ATF6B: variants seen among roughly 807,000 people sequenced by gnomAD.
The protein encoded by ATF6B is activating transcription factor 6 beta, also known as cyclic AMP-dependent transcription factor ATF-6 beta.
In ATF6B, 50 loss-of-function variants were observed where a neutral mutation model predicts 83.5. The ratio of observed to expected loss-of-function variants is 0.60; its 90% CI spans 0.48 to 0.76. The LOEUF (loss-of-function observed/expected upper bound fraction) is 0.76, where lower values mean the gene tolerates loss of function less well. Among genes scored for constraint, ATF6B ranks in the 30% least tolerant of loss-of-function variants. The pLI is 0.00. For missense variants in ATF6B, 790 were observed against 893.8 expected, an observed-to-expected ratio of 0.88 and a Z score of 1.48; for synonymous variants, 344 against 362.8, an observed-to-expected ratio of 0.95 and a Z score of 0.59.
chr6:32,122,486 A>T (rs1006406097), intron 5 of ATF6B, among the ~76,000 whole-genome samples: 1 of 152,208 alleles, frequency 6.6e-6, no homozygotes, highest in Non-Finnish European at 1.5e-5. Flanking sequence ...TTAAAACTTC[A>T]ATTTATATTT....
At chr6:32,127,028 T>C (rs1782007706) in intron 4 of ATF6B, 75 bp downstream of exon 4, 10 of 1,291,612 alleles carry the variant, frequency 7.7e-6, no homozygotes, top group Non-Finnish European at 1.0e-5. Context: ...TTAAATCATT[T>C]CTTTGTCACC....
intron 8 of ATF6B, 200 bp from the exon 9 acceptor site, chr6:32,120,157 G>A: frequency 2.0e-6 from 1 of 502,316 alleles, no homozygotes; most frequent in Non-Finnish European, 3.2e-6. Flanking sequence ...GAGTGCAGTG[G>A]TGCGATCTCG....
Position 32,119,152 on chromosome 6 carries a change from G to C in ATF6B, c.967-11C>G. 1.9e-6 allele frequency: 3 copies of C among 1,601,266 alleles called. No homozygotes were observed. The highest frequency in any genetic ancestry group is 2.6e-6 in the Non-Finnish European group (3 of 1,176,200). ...CTTCAGCAGCTTTGCCTAGGCACCC[G>C]GAAGGTCAAAAAAGAATGACAGATG... On this transcript the variant is annotated splice_polypyrimidine_tract_variant and intron_variant, in intron 9 of 17. Coordinates refer to ENST00000375203, the MANE Select transcript of ATF6B (RefSeq NM_004381.5). This position sits in a 1 kb window ranked among gnomAD's most constrained non-coding sequence, Gnocchi z 4.9.
At position 32,117,378 on chromosome 6, in the gene ATF6B, A is replaced by G. The variant is rs1353318076; in HGVS notation, c.1559T>C (p.Val520Ala). 8.1e-6 allele frequency: 13 copies of G among 1,613,776 alleles called. No homozygotes were observed. The highest frequency in any genetic ancestry group is 1.0e-5 in the Non-Finnish European group (12 of 1,179,980). The change falls in exon 14 of 18, where the codon GTC (valine) becomes GCC (alanine). Residue 520 changes from valine (V) to alanine (A), a missense_variant. Around this residue, in one of 3 missense-constraint regions of ATF6B, gnomAD observed 530 missense variants for 632.6 expected, o/e 0.84. Transcript: ENST00000375203. The surrounding 1 kb of genome is among the most constrained non-coding windows in gnomAD (Gnocchi z 5.0). ...LRLADELSGW[V>A]QRHQRGRRKI... ...CCTCCGGCCTCTCTGGTGGCGCTGGACCCAGCCACTCAACTCGTCAGCAAG... is the reference window on the plus strand; with the variant it reads ...CCTCCGGCCTCTCTGGTGGCGCTGGGCCCAGCCACTCAACTCGTCAGCAAG...
chr6:32,117,317 CCCTA>C lies in ATF6B; in HGVS notation c.1614+2_1614+5del, dbSNP rs1562902845. The C allele has an allele frequency of 4.3e-6, 7 of 1,613,072 alleles. No homozygotes were observed. The highest frequency in any genetic ancestry group is 1.3e-5 in the African/African-American group (1 of 74,900). ...TGGCCTTCCTTGAACCAGCCACCCG[CCCTA>C]CCTGTCTCTCCTGGGCCCTCTGAGG... is the stretch of plus-strand genomic sequence containing the variant. On this transcript the variant is annotated splice_donor_variant and splice_donor_5th_base_variant and intron_variant, in intron 14 of 17. Coordinates refer to ENST00000375203, the MANE Select transcript of ATF6B (RefSeq NM_004381.5). LOFTEE classifies it high-confidence loss of function. This position sits in a 1 kb window ranked among gnomAD's most constrained non-coding sequence, Gnocchi z 5.0.
At position 32,127,763 on chromosome 6, in the gene ATF6B, CT is replaced by C. The variant is rs773094271; in HGVS notation, c.92-14del. 6.2e-7 allele frequency: 1 copy of C among 1,613,968 alleles called. No homozygotes were observed. The highest frequency in any genetic ancestry group is 1.7e-5 in the Admixed American group (1 of 60,012). ...TACAAGGTGCTGTCTGCAAGAAATG[CT>C]GAGCGTCGGGGGGTCGTTCGGTGGC... On this transcript the variant is annotated splice_polypyrimidine_tract_variant and intron_variant, in intron 1 of 17. Coordinates refer to ENST00000375203, the MANE Select transcript of ATF6B (RefSeq NM_004381.5).
chr6:32,115,982 A>G lies in ATF6B; in HGVS notation c.1883-14T>C. The G allele has an allele frequency of 6.2e-7, 1 of 1,602,596 alleles. No homozygotes were observed. The highest frequency in any genetic ancestry group is 8.5e-7 in the Non-Finnish European group (1 of 1,171,350). ...CTGACAGGGTCTCTGTGAGAAGGGG[A>G]GAGTTAAGGAAGAGGAGATGGGGAG... is the stretch of plus-strand genomic sequence containing the variant. On this transcript the variant is annotated splice_polypyrimidine_tract_variant and intron_variant, in intron 17 of 17. Transcript: ENST00000375203.
rs1363443008 is a variant in ATF6B at position 32,116,789 on chromosome 6, T to C, written c.1712A>G (p.Tyr571Cys). Residue 571 changes from tyrosine (Y) to cysteine (C), a missense_variant, in exon 16 of 18, where the codon TAT (tyrosine) becomes TGT (cysteine). By Grantham distance (194) the Tyr-to-Cys change is radical. This residue lies in a region of ATF6B where 530 missense variants were observed against 632.6 expected (regional missense o/e 0.84). Transcript: ENST00000375203. This position sits in a 1 kb window ranked among gnomAD's most constrained non-coding sequence, Gnocchi z 5.1. ...ERDSVGQLQL[Y>C]RHPDRSQPAF... ...TGGCTGCGAACGGTCTGGGTGGCGA[T>C]ATAGTTGCAGCTGGCCCACAGAATC... The C allele has an allele frequency of 1.2e-6, 2 of 1,613,976 alleles. No homozygotes were observed. Among genetic ancestry groups the C allele is most frequent in the Non-Finnish European group, 1.7e-6 (2 of 1,179,976 alleles).
In ATF6B at chr6:32,116,491, A is replaced by T. The variant is rs1781533949; in HGVS notation, c.1871T>A (p.Met624Lys). Reference sequence around the variant, plus strand: ...AGGGAAAGAGTTACCATTGGGGGCCATGGCAGGCATCACCAGGGACATCTT... The same window carrying T: ...AGGGAAAGAGTTACCATTGGGGGCCTTGGCAGGCATCACCAGGGACATCTT... Reference protein sequence around the residue: ...RPKMSLVMPAMAPNETLSGRG... With the variant: ...RPKMSLVMPAKAPNETLSGRG... The change falls in exon 17 of 18, where the codon ATG becomes AAG. Residue 624 changes from methionine to lysine, a missense_variant. Physicochemically the swap from Met to Lys is moderately conservative, Grantham distance 95. Transcript: ENST00000375203. The surrounding 1 kb of genome is among the most constrained non-coding windows in gnomAD (Gnocchi z 5.1). The T allele has an allele frequency of 1.2e-6, 2 of 1,609,804 alleles. No individual in the cohort carries two copies. The highest frequency in any genetic ancestry group is 2.2e-5 in the South Asian group (2 of 90,476).
chr6:32,118,898 G>T lies in ATF6B; in HGVS notation c.1153-32C>A. ...TACAAAGAAGGAGACAAGAAAAAGG[G>T]GAATCATTCCAAGGAGGCTGTATTC... On this transcript the variant is annotated intron_variant, in intron 10 of 17. Coordinates refer to ENST00000375203, the MANE Select transcript of ATF6B (RefSeq NM_004381.5). The surrounding 1 kb of genome is among the most constrained non-coding windows in gnomAD (Gnocchi z 5.2). The T allele has an allele frequency of 7.4e-6, 12 of 1,614,188 alleles. No individual in the cohort carries two copies. Among genetic ancestry groups the T allele is most frequent in the Non-Finnish European group, 1.0e-5 (12 of 1,180,024 alleles).
chr6:32,119,258 G>T lies in ATF6B; in HGVS notation c.967-117C>A. 1 of 1,253,534 alleles carries T rather than the reference G, an allele frequency of 8.0e-7. No individual in the cohort carries two copies. The highest frequency in any genetic ancestry group is 1.1e-6 in the Non-Finnish European group (1 of 924,890). 77.7% of individuals were successfully genotyped at this position (1,253,534 alleles called of 1,614,324 possible). On this transcript the variant is annotated intron_variant, in intron 9 of 17. Transcript: ENST00000375203. The surrounding 1 kb of genome is among the most constrained non-coding windows in gnomAD (Gnocchi z 4.9). ...CACATGGCCATTCCCCTGCCTTCCT[G>T]ACCCACCTACATAGCCAGAGAGGTT...
chr6:32,127,262 A>G, intron 3 of ATF6B, 68 bp from the exon 4 acceptor site: 1 of 1,462,912 alleles, frequency 6.8e-7, no homozygotes, highest in East Asian at 2.4e-5. Context: ...GTACCCAAGG[A>G]CATGTCGGTG....
At position 32,115,805 on chromosome 6, in the gene ATF6B, C is replaced by G; in HGVS notation, c.2046G>C (p.Leu682Phe). The G allele has an allele frequency of 6.2e-7, 1 of 1,613,516 alleles. No individual in the cohort carries two copies. ...PTPGNATGGP[L>F]PVSAASQAHQ... Reference sequence around the variant, plus strand: ...GGGCCTGGCTGGCTGCAGAGACTGGCAAGGGGCCACCTGTGGCATTGCCTG... The same window carrying G: ...GGGCCTGGCTGGCTGCAGAGACTGGGAAGGGGCCACCTGTGGCATTGCCTG... The change falls in exon 18 of 18, where the codon TTG (leucine) becomes TTC (phenylalanine). Residue 682 changes from leucine (L) to phenylalanine (F), a missense_variant. Leu to Phe is a conservative substitution (Grantham distance 22). This residue lies in a region of ATF6B where 530 missense variants were observed against 632.6 expected (regional missense o/e 0.84). Transcript: ENST00000375203.
Position 32,116,925 on chromosome 6 carries a change from G to A in ATF6B, c.1686-110C>T. On this transcript the variant is annotated intron_variant, in intron 15 of 17. Transcript: ENST00000375203. The surrounding 1 kb of genome is among the most constrained non-coding windows in gnomAD (Gnocchi z 5.1). Reference sequence around the variant, plus strand: ...AGACAGGAGACCCCCAGTGGAGGAGGGAGGTATAATCCCACTGGTGACAGT... The same window carrying A: ...AGACAGGAGACCCCCAGTGGAGGAGAGAGGTATAATCCCACTGGTGACAGT... 1.3e-6 allele frequency: 2 copies of A among 1,517,458 alleles called. No individual in the cohort carries two copies. Among genetic ancestry groups the A allele is most frequent in the South Asian group, 1.1e-5 (1 of 88,660 alleles). 94.0% of individuals were successfully genotyped at this position (1,517,458 alleles called of 1,614,324 possible).
Position 32,117,515 on chromosome 6 carries a change from G to T in ATF6B, c.1532+72C>A, listed in dbSNP as rs755130536. ...GGGAGCACTGGCGCTTTAGTACACA[G>T]GCCAGCCAGGCTGACTGCAGAAGGC... is the stretch of plus-strand genomic sequence containing the variant. On this transcript the variant is annotated intron_variant, in intron 13 of 17. Coordinates refer to ENST00000375203, the MANE Select transcript of ATF6B (RefSeq NM_004381.5). The surrounding 1 kb of genome is among the most constrained non-coding windows in gnomAD (Gnocchi z 5.0). 107 of 1,592,468 alleles carry T rather than the reference G, an allele frequency of 6.7e-5. 1 individual carries two copies. The Admixed American group carries it at 6.9e-4, about 10-fold the overall frequency.
At chr6:32,124,796 C>G (rs1027026213) in intron 5 of ATF6B, among the ~76,000 whole-genome samples, 2 of 152,126 alleles carry the variant, frequency 1.3e-5, no homozygotes, top group Admixed American at 6.5e-5. Flanking sequence ...CCAGATTCAG[C>G]GCCAATGTGG....
intron 5 of ATF6B, among the ~76,000 whole-genome samples, chr6:32,122,684 T>TA (rs1047362771): frequency 6.6e-6 from 1 of 150,762 alleles, no homozygotes; most frequent in African/African-American, 2.4e-5. Context: ...CCGTCTCTAC[T>TA]AAAAAAATAG....
At chr6:32,121,195 C>T in intron 6 of ATF6B, 68 bp downstream of exon 6, 2 of 1,609,192 alleles carry the variant, frequency 1.2e-6, no homozygotes, top group East Asian at 2.2e-5. Context: ...GAAGGGAAAG[C>T]TCTCATACCT....
chr6:32,116,625 C>T lies in ATF6B; in HGVS notation c.1798-61G>A. ...GCAAAGATGCCAACAAGCTCCCCAG[C>T]CCTACTCTACATCCCCCCACTGAAG... On this transcript the variant is annotated intron_variant, in intron 16 of 17. Coordinates refer to ENST00000375203, the MANE Select transcript of ATF6B (RefSeq NM_004381.5). The surrounding 1 kb of genome is among the most constrained non-coding windows in gnomAD (Gnocchi z 5.1). 1.2e-6 allele frequency: 2 copies of T among 1,603,326 alleles called. No homozygotes were observed. Among genetic ancestry groups the T allele is most frequent in the African/African-American group, 1.3e-5 (1 of 74,794 alleles).
Sources: allele counts gnomAD v4.1 joint callset (sites outside exome capture counted in the v4.1 genomes callset), GRCh38; gene constraint gnomAD v4.1.1; regional missense constraint gnomAD v4.1.1; non-coding constraint Gnocchi (gnomAD v3.1); transcripts MANE v1.5; gene names NCBI Gene and HGNC (gene_info 2026-07-23, HGNC 2026-07-21).